The following TTN variants were observed in gnomAD, a reference collection of about 807,000 sequenced individuals.
TTN encodes the protein titin.
In TTN, 1,525 loss-of-function variants were observed where a neutral mutation model predicts 3,223.0. The ratio of observed to expected loss-of-function variants is 0.47; its 90% CI spans 0.45 to 0.49. The LOEUF is 0.49. TTN is among the 20% of genes least tolerant of loss of function. TTN has a pLI of 0.00. For synonymous variants in TTN, 14,094 were observed against 15,161.0 expected (o/e 0.93, Z 5.17); for missense variants, 40,786 against 43,424.0 (o/e 0.94, Z 5.40).
chr2:178,709,157 G>A (rs2076291155), intron 99 of TTN, among the ~76,000 whole-genome samples: 1 of 152,066 alleles, frequency 6.6e-6, no homozygotes, highest in Admixed American at 6.6e-5. Context: ...AAAGGAGAAA[G>A]TTTCAGACTG....
rs1462000296 is a variant in TTN at position 178,613,069 on chromosome 2, G to A, written c.49652C>T (p.Pro16551Leu). The change falls in exon 265 of 363, where the codon CCT becomes CTT. Residue 16551 changes from proline (P) to leucine (L), a missense_variant. Transcript: ENST00000589042. ...EPILIKDPID[P>L]PWPPGKPTVK... ...AGTTGGTTTTCCAGGGGGCCATGGAGGATCTGCAAGCCAATGAAATCATTG... is the reference window on the plus strand; with the variant it reads ...AGTTGGTTTTCCAGGGGGCCATGGAAGATCTGCAAGCCAATGAAATCATTG... 6.2e-7 allele frequency: 1 copy of A among 1,612,486 alleles called. No individual in the cohort carries two copies. The highest frequency in any genetic ancestry group is 8.5e-7 in the Non-Finnish European group (1 of 1,179,126).
At chr2:178,645,752 C>T (rs2061838165) in intron 217 of TTN, 168 bp downstream of exon 217, 1 of 414,066 alleles carries the variant, frequency 2.4e-6, no homozygotes, top group African/African-American at 2.1e-5. Context: ...GACAAGCAAC[C>T]CAGGAACCAT....
rs776923620 is a variant in TTN at position 178,599,105 on chromosome 2, A to T, written c.56647+41T>A. The T allele has an allele frequency of 9.3e-6, 14 of 1,508,634 alleles. 1 individual carries two copies. The South Asian group carries it at 2.0e-4, about 21-fold the overall frequency. The allele number at this position is 1,508,634 out of a possible 1,614,324, so 93.5% of individuals were successfully genotyped here. On this transcript the variant is annotated intron_variant, in intron 290 of 362. Coordinates refer to ENST00000589042, the MANE Select transcript of TTN (RefSeq NM_001267550.2). ...TTGATTATAAGAAATTTAAAAAAAA[A>T]GTAAAAATGGCTTTGTATGTGAAAA...
chr2:178,793,324 C>A, intron 9 of TTN, 80 bp downstream of exon 9: 1 of 1,557,388 alleles, frequency 6.4e-7, no homozygotes, highest in Middle Eastern at 1.7e-4. Flanking sequence ...CAAGGAACAA[C>A]ACTCTTCATG....
intron 159 of TTN, among the ~76,000 whole-genome samples, chr2:178,668,478 C>A (rs945724327): frequency 6.6e-6 from 1 of 151,946 alleles, no homozygotes; most frequent in Non-Finnish European, 1.5e-5. Context: ...TGCCTGTAAT[C>A]CCAGCACTTT....
rs369899675 is a variant in TTN, at chr2:178,547,901, C to A, written c.93725G>T (p.Arg31242Leu). 1 of 1,613,754 alleles carries A rather than the reference C, an allele frequency of 6.2e-7. No individual in the cohort carries two copies. Among genetic ancestry groups the A allele is most frequent in the Non-Finnish European group, 8.5e-7 (1 of 1,179,812 alleles). The change falls in exon 339 of 363, where the codon CGT becomes CTT. Residue 31242 changes from arginine to leucine, a missense_variant. By Grantham distance (102) the Arg-to-Leu change is moderately radical. Transcript: ENST00000589042. ...PFTIDVPISG[R>L]PAPKVTWKLE... ...TTTCCATGTTACTTTGGGGGCAGGACGACCACTGATTGGTACGTCAATGGT... is the reference window on the plus strand; with the variant it reads ...TTTCCATGTTACTTTGGGGGCAGGAAGACCACTGATTGGTACGTCAATGGT...
Position 178,530,414 on chromosome 2 carries a change from CA to C in TTN, c.106200del (p.Glu35401SerfsTer4). On this transcript the variant is annotated frameshift_variant, in exon 358 of 363. Transcript: ENST00000589042. LOFTEE classifies it high-confidence loss of function. ...SETKKSDQKT[T>X]ESTVTRKTEP... is the part of the protein sequence containing the mutation. ...TCAGTTTTTCTGGTTACTGTTGACT[CA>C]GTGGTTTTCTGATCTGATTTCTTAG... 6.2e-7 allele frequency: 1 copy of C among 1,613,978 alleles called. No homozygotes were observed. The highest frequency in any genetic ancestry group is 8.5e-7 in the Non-Finnish European group (1 of 1,179,882).
intron 35 of TTN, 39 bp downstream of exon 35, chr2:178,770,373 T>C (rs1248963110): frequency 1.2e-6 from 2 of 1,614,164 alleles, no homozygotes; most frequent in African/African-American, 1.3e-5. Context: ...ATGGTAACCA[T>C]GGGCTGACTG....
intron 25 of TTN, 31 bp from the exon 26 acceptor site, chr2:178,777,615 T>C (rs372718540): frequency 6.2e-7 from 1 of 1,613,374 alleles, no homozygotes; most frequent in Non-Finnish European, 8.5e-7. Context: ...GAAAGTAGAT[T>C]TTAAAATAGT....
At chr2:178,790,993 T>A in intron 10 of TTN, 148 bp from the exon 11 acceptor site, 1 of 980,458 alleles carries the variant, frequency 1.0e-6, no homozygotes, top group Non-Finnish European at 1.5e-6. Flanking sequence ...CACTTGTGCT[T>A]AATACATAGA....
At position 178,728,241 on chromosome 2, in the gene TTN, C is replaced by T. The variant is rs779960008; in HGVS notation, c.19583G>A (p.Arg6528Lys). 6.2e-7 allele frequency: 1 copy of T among 1,613,214 alleles called. No homozygotes were observed. Among genetic ancestry groups the T allele is most frequent in the South Asian group, 1.1e-5 (1 of 91,042 alleles). The change falls in exon 67 of 363, where the codon AGA (arginine) becomes AAA (lysine). Residue 6528 changes from arginine to lysine, a missense_variant. Coordinates refer to ENST00000589042, the MANE Select transcript of TTN (RefSeq NM_001267550.2). Reference sequence around the variant, plus strand: ...CACAGATCTCTCATGGCACACAAGTCTGTATTTTGCACTTGTAGATATTTC... The same window carrying T: ...CACAGATCTCTCATGGCACACAAGTTTGTATTTTGCACTTGTAGATATTTC... ...GKEISTSAKY[R>K]LVCHERSVSL...
chr2:178,744,309 A>C, intron 47 of TTN: 1 of 896,910 alleles, frequency 1.1e-6, no homozygotes. Context: ...GTTTATTCTA[A>C]ATTGTATTAA....
intron 117 of TTN, 109 bp downstream of exon 117, chr2:178,694,490 T>C: frequency 3.1e-6 from 2 of 654,062 alleles, no homozygotes; most frequent in Non-Finnish European, 5.0e-6. Flanking sequence ...AAAAATGTGC[T>C]GTTTTTGGTC....
Position 178,583,854 on chromosome 2 carries a change from C to G in TTN, c.65328G>C (p.Leu21776=). Residue 21776 remains leucine, a synonymous_variant, in exon 312 of 363, where the codon CTG becomes CTC. Coordinates refer to ENST00000589042, the MANE Select transcript of TTN (RefSeq NM_001267550.2). ...VIDVTKSTVS[L]IWARPKHDGG... is the part of the protein sequence containing the mutation. Reference sequence around the variant, plus strand: ...CATCATGCTTTGGACGAGCCCAGATCAGAGATACAGTACTCTTGGTGACAT... The same window carrying G: ...CATCATGCTTTGGACGAGCCCAGATGAGAGATACAGTACTCTTGGTGACAT... The G allele has an allele frequency of 6.2e-7, 1 of 1,607,810 alleles. No homozygotes were observed. The highest frequency in any genetic ancestry group is 8.5e-7 in the Non-Finnish European group (1 of 1,176,830).
intron 350 of TTN, 64 bp downstream of exon 350, chr2:178,541,218 A>C: frequency 1.4e-6 from 2 of 1,403,656 alleles, no homozygotes; most frequent in Non-Finnish European, 1.9e-6. Flanking sequence ...ATATTTCAAA[A>C]AGGTGAATTT....
At position 178,577,247 on chromosome 2, in the gene TTN, C is replaced by T. The variant is rs1389259455; in HGVS notation, c.69088G>A (p.Val23030Met). The change falls in exon 324 of 363, where the codon GTG becomes ATG. Residue 23030 changes from valine (V) to methionine (M), a missense_variant. Transcript: ENST00000589042. Reference sequence around the variant, plus strand: ...AGGACTGTTACCTTCACATGTTCCACCTTCGTGCCAAAAGGATTGGTAGCA... The same window carrying T: ...AGGACTGTTACCTTCACATGTTCCATCTTCGTGCCAAAAGGATTGGTAGCA... The part of the protein sequence containing the change: ...ITATNPFGTK[V>M]EHVKVTVLDV... 1 of 1,612,862 alleles carries T rather than the reference C, an allele frequency of 6.2e-7. No homozygotes were observed. Among genetic ancestry groups the T allele is most frequent in the South Asian group, 1.1e-5 (1 of 91,030 alleles).
chr2:178,677,157 C>G (rs2154268170), intron 147 of TTN, 44 bp downstream of exon 147: 1 of 1,182,050 alleles, frequency 8.5e-7, no homozygotes, highest in African/African-American at 1.6e-5. Flanking sequence ...TTTATGTGAC[C>G]AAGCTATGGG....
Position 178,777,886 on chromosome 2 carries a change from G to A in TTN, c.4298C>T (p.Ser1433Phe), listed in dbSNP as rs779529472. ...SPARMSPARM[S>F]PARMSPGRRL... is the part of the protein sequence containing the mutation. ...ACGTCCAGGGGACATTCTTGCAGGG[G>A]ACATCCGTGCAGGAGACATCCTTGC... The change falls in exon 25 of 363, where the codon TCC becomes TTC. Residue 1433 changes from serine to phenylalanine, a missense_variant. Ser to Phe is a radical substitution (Grantham distance 155). Coordinates refer to ENST00000589042, the MANE Select transcript of TTN (RefSeq NM_001267550.2). 1.2e-6 allele frequency: 2 copies of A among 1,613,754 alleles called. No homozygotes were observed. The highest frequency in any genetic ancestry group is 2.7e-5 in the African/African-American group (2 of 74,896).
Position 178,770,534 on chromosome 2 carries a change from T to C in TTN, c.8258A>G (p.Tyr2753Cys), listed in dbSNP as rs2091310789. ...NGVVLESNEK[Y>C]AISVKGTIYS... ...AATTGTTCCTTTGACAGAGATAGCA[T>C]ACTTTTCATTGGATTCCAGCACAAC... is the stretch of plus-strand genomic sequence containing the variant. Residue 2753 changes from tyrosine to cysteine, a missense_variant, in exon 35 of 363, where the codon TAT becomes TGT. Transcript: ENST00000589042. The C allele has an allele frequency of 6.2e-7, 1 of 1,614,160 alleles. No homozygotes were observed. The highest frequency in any genetic ancestry group is 8.5e-7 in the Non-Finnish European group (1 of 1,180,002).
Sources: gnomAD v4.1 joint callset for allele counts (sites outside exome capture counted in the v4.1 genomes callset) on GRCh38, gnomAD v4.1.1 for gene constraint, MANE v1.5 for transcripts, NCBI Gene and HGNC (gene_info 2026-07-23, HGNC 2026-07-21) for gene names.